The following MS4A13 variants were observed in gnomAD, a reference collection of about 807,000 sequenced individuals.
MS4A13 encodes the protein membrane spanning 4-domains A13.
Under a neutral mutation model 18.4 loss-of-function variants are expected in MS4A13, and 21 were observed. The ratio of observed to expected loss-of-function variants is 1.14; its 90% CI spans 0.81 to 1.64. The LOEUF (loss-of-function observed/expected upper bound fraction) is 1.64. MS4A13 is among the 40% of genes most tolerant of loss of function. MS4A13 has a pLI of 0.00. For missense variants in MS4A13, 173 were observed against 176.8 expected (o/e 0.98, Z 0.12); for synonymous variants, 62 against 57.2 (o/e 1.08, Z -0.38).
intron 2 of MS4A13, 32 bp from the exon 3 acceptor site, chr11:60,518,040 A>C (rs755376389): frequency 3.3e-6 from 5 of 1,505,630 alleles, no homozygotes; most frequent in Non-Finnish European, 3.6e-6. Context: ...AAATTACATT[A>C]TTTCGGTACT....
intron 5 of MS4A13, among the ~76,000 whole-genome samples, chr11:60,526,865 A>C (rs2086716885): frequency 1.3e-5 from 2 of 152,184 alleles, no homozygotes; most frequent in African/African-American, 4.8e-5. Flanking sequence ...TTATTTAAAT[A>C]CTATCCTCAG....
chr11:60,532,320 G>A (rs370707410), intron 6 of MS4A13, among the ~76,000 whole-genome samples: 26 of 152,292 alleles, frequency 1.7e-4, no homozygotes, highest in South Asian at 1.2e-3. Context: ...TGCACGCACC[G>A]TGCGCGAGCC....
intron 6 of MS4A13, among the ~76,000 whole-genome samples, chr11:60,540,824 C>T (rs141792404): frequency 6.6e-6 from 1 of 152,018 alleles, no homozygotes; most frequent in African/African-American, 2.4e-5. Flanking sequence ...CATAGTGCCA[C>T]ATGCCTGTGG....
chr11:60,521,136 T>C (rs1335020384), intron 3 of MS4A13, among the ~76,000 whole-genome samples: 1 of 152,174 alleles, frequency 6.6e-6, no homozygotes, highest in East Asian at 1.9e-4. Context: ...CTGCACATAG[T>C]ACAGGGGCCC....
rs2086870196 is a variant in MS4A13, at chr11:60,542,619, G to T, written c.*44G>T. On this transcript the variant is annotated 3_prime_UTR_variant, in exon 7 of 7. Coordinates refer to ENST00000378186, the MANE Select transcript of MS4A13 (RefSeq NM_001012417.3). ...AATTTTGCTGTTGCTGATGCCTGGT[G>T]TGGGTCCTAATGATATCTCTGTATA... The T allele has an allele frequency of 1.5e-6, 2 of 1,293,820 alleles. No individual in the cohort carries two copies. The highest frequency in any genetic ancestry group is 2.5e-5 in the South Asian group (2 of 79,440). The allele number at this position is 1,293,820 out of a possible 1,614,324, so 80.1% of individuals were successfully genotyped here.
At chr11:60,526,996 G>C (rs562005009) in intron 5 of MS4A13, among the ~76,000 whole-genome samples, 1 of 151,946 alleles carries the variant, frequency 6.6e-6, no homozygotes, top group African/African-American at 2.4e-5. Flanking sequence ...CCAAACTCCC[G>C]GCCTGTTGTT....
chr11:60,525,609 G>T (rs768151993), intron 5 of MS4A13, among the ~76,000 whole-genome samples: 69 of 152,282 alleles, frequency 4.5e-4, no homozygotes, highest in Non-Finnish European at 8.2e-4. Context: ...GCCACTTAAT[G>T]ATTCTCTTAA....
chr11:60,520,193 C>T (rs2086664504), intron 3 of MS4A13, among the ~76,000 whole-genome samples: 1 of 152,100 alleles, frequency 6.6e-6, no homozygotes, highest in Admixed American at 6.5e-5. Context: ...CATTCCCATG[C>T]TGTTCTCATG....
intron 3 of MS4A13, among the ~76,000 whole-genome samples, chr11:60,522,726 C>T (rs2086686285): frequency 2.0e-5 from 3 of 152,170 alleles, no homozygotes; most frequent in African/African-American, 7.2e-5. Context: ...ATGAATGGCT[C>T]ATAAATAATG....
chr11:60,517,058 T>G (rs2086642295), intron 2 of MS4A13, among the ~76,000 whole-genome samples: 2 of 151,862 alleles, frequency 1.3e-5, no homozygotes, highest in Admixed American at 1.3e-4. Context: ...TAGTGGGAGA[T>G]ATTTCTCCAG....
At chr11:60,515,865 G>T (rs1200162896) in intron 1 of MS4A13, 104 bp from the exon 2 acceptor site, 1 of 152,200 alleles carries the variant, frequency 6.6e-6, no homozygotes, top group Non-Finnish European at 1.5e-5. Context: ...GAAGGCTATT[G>T]CTTCTGAATT....
chr11:60,529,409 T>A lies in MS4A13; in HGVS notation c.351T>A (p.Gly117=). Residue 117 remains glycine (G), a synonymous_variant, in exon 6 of 7, where the codon GGT becomes GGA. Transcript: ENST00000378186. ...EVSRILLFFY[G]LEFSIALTHS... is the part of the protein sequence containing the mutation. Reference sequence around the variant, plus strand: ...CACGTATTTTACTGTTCTTCTACGGTTTGGAATTTTCTATTGCACTTACAC... The same window carrying A: ...CACGTATTTTACTGTTCTTCTACGGATTGGAATTTTCTATTGCACTTACAC... 1 of 1,610,698 alleles carries A rather than the reference T, an allele frequency of 6.2e-7. No homozygotes were observed. Among genetic ancestry groups the A allele is most frequent in the Non-Finnish European group, 8.5e-7 (1 of 1,178,506 alleles).
chr11:60,533,460 G>A (rs1384258201), intron 6 of MS4A13, among the ~76,000 whole-genome samples: 429 of 96,252 alleles, frequency 4.5e-3, no homozygotes, highest in Middle Eastern at 0.015. Context: ...AGCGAGAAGG[G>A]AAGTTTAGAG....
chr11:60,540,150 T>C (rs1203653750), intron 6 of MS4A13, among the ~76,000 whole-genome samples: 1 of 152,228 alleles, frequency 6.6e-6, no homozygotes, highest in African/African-American at 2.4e-5. Context: ...ATTACCTTAA[T>C]TTAAGGTCGT....
chr11:60,542,897 A>G (rs559911730), downstream of MS4A13, among the ~76,000 whole-genome samples: 1 of 152,298 alleles, frequency 6.6e-6, no homozygotes, highest in South Asian at 2.1e-4. Context: ...TGAAGGCTAT[A>G]AAGACTTGGG....
intron 2 of MS4A13, among the ~76,000 whole-genome samples, chr11:60,516,568 A>G (rs767278197): frequency 5.9e-5 from 9 of 152,212 alleles, no homozygotes; most frequent in Non-Finnish European, 1.2e-4. Context: ...ACTGTTCAGC[A>G]GAGGTTCTTA....
chr11:60,519,721 A>G (rs1177014228), intron 3 of MS4A13, among the ~76,000 whole-genome samples: 2 of 152,218 alleles, frequency 1.3e-5, no homozygotes, highest in Non-Finnish European at 2.9e-5. Context: ...CTGTGCAACT[A>G]TAATAAAACA....
At chr11:60,522,047 A>C (rs2086677338) in intron 3 of MS4A13, among the ~76,000 whole-genome samples, 1 of 152,092 alleles carries the variant, frequency 6.6e-6, no homozygotes, top group Non-Finnish European at 1.5e-5. Context: ...CATAGGACTT[A>C]TTCACTATCA....
At chr11:60,538,191 ACG>A (rs879615537) in intron 6 of MS4A13, among the ~76,000 whole-genome samples, 8,446 of 143,284 alleles carry the variant, frequency 0.059, 367 homozygotes, top group South Asian at 0.1. Context: ...AAAAAAAAAA[ACG>A]AAAAAAAAAA....
Sources: gnomAD v4.1 joint callset for allele counts (sites outside exome capture counted in the v4.1 genomes callset) on GRCh38, gnomAD v4.1.1 for gene constraint, MANE v1.5 for transcripts, NCBI Gene and HGNC (gene_info 2026-07-23, HGNC 2026-07-21) for gene names.